The following TCERG1 variants were observed in gnomAD, a reference collection of about 807,000 sequenced individuals.
The protein encoded by TCERG1 is transcription elongation regulator 1, also known as TATA box binding protein (TBP)-associated factor, RNA polymerase II, S, 150kD.
In TCERG1, 37 loss-of-function variants were observed where a neutral mutation model predicts 144.7. That is an observed-to-expected ratio of 0.26 (90% CI 0.20 to 0.34). The LOEUF is 0.34. Among genes scored for constraint, TCERG1 ranks in the 10% least tolerant of loss-of-function variants. The pLI is 1.00. For missense variants in TCERG1, 1,027 were observed against 1,380.7 expected (o/e 0.74, Z 4.06); for synonymous variants, 492 against 458.2 (o/e 1.07, Z -0.94).
Position 146,469,534 on chromosome 5 carries a change from C to A in TCERG1, c.1199-10C>A, listed in dbSNP as rs773829766. ...TACTTGGATCTAATTTTTTATTATT[C>A]TTTTTTTAGGTGTATTGCCAGGAAT... On this transcript the variant is annotated splice_polypyrimidine_tract_variant and intron_variant, in intron 6 of 22. Transcript: ENST00000679501. 9 of 1,562,092 alleles carry A rather than the reference C, an allele frequency of 5.8e-6. No homozygotes were observed. The highest frequency in any genetic ancestry group is 3.7e-5 in the South Asian group (3 of 81,506).
At chr5:146,510,183 C>T in intron 22 of TCERG1, 1 of 1,015,676 alleles carries the variant, frequency 9.8e-7, no homozygotes, top group South Asian at 1.5e-5. Flanking sequence ...CAAGATTTAC[C>T]CACCCACCCT....
At position 146,469,572 on chromosome 5, in the gene TCERG1, C is replaced by T. The variant is rs779078980; in HGVS notation, c.1227C>T (p.Ile409=). ...TATTGCCAGGAATGGCCCCTCCTAT[C>T]GTACCCATGATACATCCCCAGGTTG... ...TGVLPGMAPP[I]VPMIHPQVAI... Residue 409 remains isoleucine (I), a synonymous_variant, in exon 7 of 23, where the codon ATC becomes ATT. Transcript: ENST00000679501. 20 of 1,610,044 alleles carry T rather than the reference C, an allele frequency of 1.2e-5. No individual in the cohort carries two copies. The highest frequency in any genetic ancestry group is 1.3e-5 in the Non-Finnish European group (15 of 1,178,394).
chr5:146,482,488 C>G, intron 13 of TCERG1, 104 bp from the exon 14 acceptor site: 1 of 1,122,588 alleles, frequency 8.9e-7, no homozygotes, highest in Non-Finnish European at 1.2e-6. Context: ...CAAAAATATG[C>G]TGCTCAGTAG....
chr5:146,500,174 TA>T (rs970259091), intron 17 of TCERG1, among the ~76,000 whole-genome samples: 50 of 147,346 alleles, frequency 3.4e-4, no homozygotes, highest in South Asian at 6.5e-4. Flanking sequence ...ATTACTAGAT[TA>T]AAAAAAAAAG....
chr5:146,470,556 T>A, intron 7 of TCERG1, 80 bp from the exon 8 acceptor site: 6 of 1,166,250 alleles, frequency 5.1e-6, no homozygotes, highest in Middle Eastern at 2.7e-4. Flanking sequence ...GAATGGAATA[T>A]CTTAATGGCT....
In TCERG1 at chr5:146,457,233, T is replaced by C; in HGVS notation, c.336T>C (p.Gly112=). 2.5e-6 allele frequency: 4 copies of C among 1,614,156 alleles called. No individual in the cohort carries two copies. The highest frequency in any genetic ancestry group is 2.2e-5 in the East Asian group (1 of 44,890). The change falls in exon 3 of 23, where the codon GGT becomes GGC. Residue 112 remains glycine, a synonymous_variant. Coordinates refer to ENST00000679501, the MANE Select transcript of TCERG1 (RefSeq NM_001382548.1). ...PPMSSMPPPP[G]MMFPPGMPPV... Reference sequence around the variant, plus strand: ...TGAGTTCCATGCCTCCTCCTCCGGGTATGATGTTTCCACCAGGAATGCCTC... The same window carrying C: ...TGAGTTCCATGCCTCCTCCTCCGGGCATGATGTTTCCACCAGGAATGCCTC...
intron 4 of TCERG1, among the ~76,000 whole-genome samples, chr5:146,462,396 T>A (rs1212142615): frequency 6.6e-6 from 1 of 152,230 alleles, no homozygotes; most frequent in Non-Finnish European, 1.5e-5. Flanking sequence ...AAATGAATTT[T>A]ATTTTGGAAC....
At chr5:146,460,790 A>T (rs1251559102) in intron 4 of TCERG1, among the ~76,000 whole-genome samples, 1 of 152,166 alleles carries the variant, frequency 6.6e-6, no homozygotes, top group Non-Finnish European at 1.5e-5. Flanking sequence ...TGTTTTACAA[A>T]TCTGTTTGCT....
chr5:146,480,816 A>T (rs980733697), intron 12 of TCERG1, among the ~76,000 whole-genome samples: 1 of 152,144 alleles, frequency 6.6e-6, no homozygotes, highest in Non-Finnish European at 1.5e-5. Flanking sequence ...TAGTTCTTTT[A>T]AAAAAAATTT....
chr5:146,485,596 A>G (rs1319513790), intron 15 of TCERG1, among the ~76,000 whole-genome samples: 1 of 152,218 alleles, frequency 6.6e-6, no homozygotes, highest in East Asian at 1.9e-4. Flanking sequence ...TCTCCTTAAT[A>G]GAATTACGTT....
intron 9 of TCERG1, among the ~76,000 whole-genome samples, chr5:146,471,928 T>C (rs1034615421): frequency 6.6e-6 from 1 of 152,168 alleles, no homozygotes; most frequent in African/African-American, 2.4e-5. Flanking sequence ...TCATACTTGA[T>C]TGTTACATGG....
rs757153658 is a variant in TCERG1 at position 146,470,623 on chromosome 5, A to AT, written c.1400-6dup. 33 of 1,587,332 alleles carry AT rather than the reference A, an allele frequency of 2.1e-5. No individual in the cohort carries two copies. In the South Asian group the frequency reaches 3.8e-4, roughly 19 times the overall value. ...AAAACCTTTGAGTGACATTATCTTAATTTTTTTCATAGAAAAGTTAGAAGA... is the reference window on the plus strand; with the variant it reads ...AAAACCTTTGAGTGACATTATCTTAATTTTTTTTCATAGAAAAGTTAGAAGA... On this transcript the variant is annotated splice_polypyrimidine_tract_variant and intron_variant, in intron 7 of 22. Coordinates refer to ENST00000679501, the MANE Select transcript of TCERG1 (RefSeq NM_001382548.1).
chr5:146,500,768 C>T (rs1476726755), intron 17 of TCERG1, among the ~76,000 whole-genome samples: 1 of 152,024 alleles, frequency 6.6e-6, no homozygotes, highest in African/African-American at 2.4e-5. Flanking sequence ...TGCCTGTAAT[C>T]CCAGCACTTT....
chr5:146,454,738 C>T lies in TCERG1; in HGVS notation c.60-318C>T, dbSNP rs190775368. On this transcript the variant is annotated intron_variant, in intron 1 of 22. Transcript: ENST00000679501. ...TCAGCCTCCCCAATAGCAGGACTTA[C>T]AGGCGTGCGCCTCCATACCTGGCTG... Among the ~76,000 whole-genome samples, 89 of 152,196 alleles carry T rather than the reference C, an allele frequency of 5.8e-4. 2 individuals carry two copies. In the East Asian group the frequency reaches 0.015, roughly 25 times the overall value.
At chr5:146,471,758 C>T (rs2150403870) in intron 9 of TCERG1, among the ~76,000 whole-genome samples, 182 bp downstream of exon 9, 1 of 152,214 alleles carries the variant, frequency 6.6e-6, no homozygotes, top group Admixed American at 6.5e-5. Flanking sequence ...GCCACCATGC[C>T]CAGCTGATTT....
At chr5:146,457,438 C>A in intron 3 of TCERG1, 103 bp downstream of exon 3, 1 of 1,163,260 alleles carries the variant, frequency 8.6e-7, no homozygotes, top group Non-Finnish European at 1.2e-6. Context: ...TAAGAATGAG[C>A]CCTGGGTGAG....
chr5:146,508,070 T>G (rs886645774), intron 21 of TCERG1, 114 bp downstream of exon 21: 1 of 604,610 alleles, frequency 1.7e-6, no homozygotes, highest in African/African-American at 1.9e-5. Context: ...GAATTACTTT[T>G]AAGTGTATGA....
chr5:146,491,151 CTTT>C (rs76132505), intron 15 of TCERG1, among the ~76,000 whole-genome samples: 1 of 143,952 alleles, frequency 6.9e-6, no homozygotes, highest in Non-Finnish European at 1.5e-5. Context: ...TTTGGGTACT[CTTT>C]TTTTTTTTTG....
At position 146,507,218 on chromosome 5, in the gene TCERG1, C is replaced by G. The variant is rs759187393; in HGVS notation, c.2961+11C>G. 4.2e-5 allele frequency: 65 copies of G among 1,560,084 alleles called. 1 individual carries two copies. In the Middle Eastern group the frequency reaches 5.2e-4, roughly 12 times the overall value. ...GATGAAACTTCTGCAGTAAGAATCT[C>G]TTATTTTTCTCATTTTAATCTGGAT... On this transcript the variant is annotated intron_variant, in intron 20 of 22. Coordinates refer to ENST00000679501, the MANE Select transcript of TCERG1 (RefSeq NM_001382548.1). The surrounding 1 kb of genome is among the most constrained non-coding windows in gnomAD (Gnocchi z 4.6).
Sources: allele counts gnomAD v4.1 joint callset (sites outside exome capture counted in the v4.1 genomes callset), GRCh38; gene constraint gnomAD v4.1.1; non-coding constraint Gnocchi (gnomAD v3.1); transcripts MANE v1.5; gene names NCBI Gene and HGNC (gene_info 2026-07-23, HGNC 2026-07-21).